FARP1: variants seen among roughly 807,000 people sequenced by gnomAD.
FARP1 encodes FERM, ARHGEF and pleckstrin domain-containing protein 1.
FARP1 carries 52 observed loss-of-function variants against 128.8 expected under a neutral mutation model. The ratio of observed to expected loss-of-function variants is 0.40; its 90% CI spans 0.32 to 0.51. The LOEUF (loss-of-function observed/expected upper bound fraction) is 0.51. FARP1 is among the 20% of genes least tolerant of loss of function. The pLI is 0.45. For synonymous variants in FARP1, 580 were observed against 551.8 expected (o/e 1.05, Z -0.72); for missense variants, 1,333 against 1,367.9 (o/e 0.97, Z 0.40).
intron 2 of FARP1, among the ~76,000 whole-genome samples, chr13:98,257,880 G>A (rs747501771): frequency 2.6e-5 from 4 of 152,190 alleles, no homozygotes; most frequent in African/African-American, 7.2e-5. Context: ...TGAAAACAAC[G>A]CATAGATGTG....
chr13:98,224,179 GAATT>G (rs1038479491), intron 2 of FARP1, among the ~76,000 whole-genome samples: 4 of 152,130 alleles, frequency 2.6e-5, no homozygotes, highest in African/African-American at 9.7e-5. Flanking sequence ...TTTGAAAGCT[GAATT>G]ACTTTCCCAG....
intron 2 of FARP1, among the ~76,000 whole-genome samples, chr13:98,303,011 C>T (rs564799102): frequency 6.6e-6 from 1 of 152,218 alleles, no homozygotes; most frequent in South Asian, 2.1e-4. Context: ...TGCGGGCCCA[C>T]TCTGTATGTA....
intron 2 of FARP1, among the ~76,000 whole-genome samples, chr13:98,338,326 C>T (rs895106843): frequency 6.6e-6 from 1 of 152,156 alleles, no homozygotes; most frequent in African/African-American, 2.4e-5. Context: ...TTCCCCTCCC[C>T]AAAGCCCCTG....
At chr13:98,162,543 C>A (rs141776211) in intron 1 of FARP1, among the ~76,000 whole-genome samples, 4 of 152,304 alleles carry the variant, frequency 2.6e-5, no homozygotes, top group Admixed American at 2.6e-4. Context: ...CAAACCTGGG[C>A]TGACCTCACC....
intron 2 of FARP1, among the ~76,000 whole-genome samples, chr13:98,301,945 C>T (rs188555564): frequency 6.9e-6 from 1 of 145,510 alleles, no homozygotes; most frequent in African/African-American, 2.5e-5. Context: ...TCCTGTCTGT[C>T]GACTTTAAAA....
intron 2 of FARP1, among the ~76,000 whole-genome samples, chr13:98,297,281 C>G (rs1885737949): frequency 6.6e-6 from 1 of 152,172 alleles, no homozygotes; most frequent in South Asian, 2.1e-4. Context: ...AAAACCTTGT[C>G]CAAATAACGG....
rs767482817 is a variant in FARP1 at position 98,385,821 on chromosome 13, G to A, written c.759+7G>A. The stretch of plus-strand genomic sequence containing the variant: ...GGGAATTCTAGTGTTTCAGGTGAGA[G>A]CCTTGAGAACACGGCCTGGTTCCCT... On this transcript the variant is annotated splice_region_variant and intron_variant, in intron 8 of 26. Transcript: ENST00000319562. The A allele has an allele frequency of 1.7e-5, 27 of 1,613,706 alleles. No individual in the cohort carries two copies. Among genetic ancestry groups the A allele is most frequent in the Non-Finnish European group, 2.0e-5 (24 of 1,179,922 alleles).
intron 13 of FARP1, among the ~76,000 whole-genome samples, chr13:98,408,983 G>A (rs1402308527): frequency 6.6e-6 from 1 of 152,194 alleles, no homozygotes; most frequent in Non-Finnish European, 1.5e-5. Context: ...GTCTCATTGT[G>A]ACATAGACAC....
At chr13:98,280,741 T>A (rs1382662146) in intron 2 of FARP1, among the ~76,000 whole-genome samples, 1 of 152,230 alleles carries the variant, frequency 6.6e-6, no homozygotes, top group Non-Finnish European at 1.5e-5. Flanking sequence ...TCTTTACTGA[T>A]CGTTTACTCA....
chr13:98,439,274 G>A, intron 21 of FARP1, 78 bp downstream of exon 21: 1 of 955,658 alleles, frequency 1.0e-6, no homozygotes, highest in African/African-American at 1.6e-5. Context: ...CGGCGATGAG[G>A]AGGGAAGGAG....
At chr13:98,255,457 C>T (rs1461177579) in intron 2 of FARP1, among the ~76,000 whole-genome samples, 8 of 151,844 alleles carry the variant, frequency 5.3e-5, no homozygotes, top group Non-Finnish European at 1.0e-4. Context: ...GCCGAGATTG[C>T]GCCACTGCAC....
At position 98,325,208 on chromosome 13, in the gene FARP1, T is replaced by G. The variant is rs73559050; in HGVS notation, c.172-18554T>G. Among the ~76,000 whole-genome samples the G allele has an allele frequency of 5.0e-3, 757 of 152,346 alleles. 7 individuals carry two copies. Among genetic ancestry groups the G allele is most frequent in the African/African-American group, 0.017 (722 of 41,592 alleles). ...GAAGAAATTATTTTGTTTCTATGTT[T>G]CAACAGCCTATCTTTCCATGAGTAT... is the stretch of plus-strand genomic sequence containing the variant. On this transcript the variant is annotated intron_variant, in intron 2 of 26. Transcript: ENST00000319562.
chr13:98,312,771 C>T (rs1054209147), intron 2 of FARP1, among the ~76,000 whole-genome samples: 12 of 152,082 alleles, frequency 7.9e-5, no homozygotes, highest in Non-Finnish European at 1.2e-4. Flanking sequence ...ACAACAGAGC[C>T]GCGGCGTTTT....
At chr13:98,350,563 CAT>C (rs376566985) in intron 3 of FARP1, among the ~76,000 whole-genome samples, 17 of 152,236 alleles carry the variant, frequency 1.1e-4, no homozygotes, top group Admixed American at 3.9e-4. Context: ...GGTTTTGACA[CAT>C]GTTTCTGGAC....
Position 98,409,490 on chromosome 13 carries a change from C to G in FARP1, c.1567C>G (p.Pro523Ala). The change falls in exon 14 of 27, where the codon CCC becomes GCC. Residue 523 changes from proline (P) to alanine (A), a missense_variant. Around this residue, in one of 2 missense-constraint regions of FARP1, gnomAD observed 1,009 missense variants for 969.8 expected, o/e 1.04. Transcript: ENST00000319562. Reference protein sequence around the residue: ...ISPLLNDQACPRTDDEDEGRR... With the variant: ...ISPLLNDQACARTDDEDEGRR... ...CCCGCTGCTGAATGACCAGGCCTGC[C>G]CCCGGACGGACGATGAGGATGAGGG... 1 of 1,613,422 alleles carries G rather than the reference C, an allele frequency of 6.2e-7. No homozygotes were observed.
At chr13:98,444,286 T>C (rs1892683410) in intron 24 of FARP1, among the ~76,000 whole-genome samples, 2 of 152,138 alleles carry the variant, frequency 1.3e-5, no homozygotes, top group African/African-American at 4.8e-5. Context: ...CCTGTGTCCA[T>C]GTGAGGTCAC....
At chr13:98,150,722 T>G (rs1434693399) in intron 1 of FARP1, among the ~76,000 whole-genome samples, 3 of 152,172 alleles carry the variant, frequency 2.0e-5, no homozygotes, top group Non-Finnish European at 4.4e-5. Context: ...ATGGAACACT[T>G]TTGTTCTTAC....
intron 2 of FARP1, among the ~76,000 whole-genome samples, chr13:98,312,772 G>A (rs1413042357): frequency 6.6e-6 from 1 of 152,082 alleles, no homozygotes; most frequent in Non-Finnish European, 1.5e-5. Flanking sequence ...CAACAGAGCC[G>A]CGGCGTTTTC....
rs781588904 is a variant in FARP1 at position 98,431,174 on chromosome 13, C to T, written c.2037C>T (p.Asn679=). ...ELQKVCYLPL[N]TFLLRPLHRL... ...AGAAGGTGTGTTACCTACCGCTCAACACCTTCCTCCTGCGGCCACTGCACC... is the reference window on the plus strand; with the variant it reads ...AGAAGGTGTGTTACCTACCGCTCAATACCTTCCTCCTGCGGCCACTGCACC... Residue 679 remains asparagine, a synonymous_variant, in exon 18 of 27, where the codon AAC becomes AAT. Coordinates refer to ENST00000319562, the MANE Select transcript of FARP1 (RefSeq NM_005766.4). The T allele has an allele frequency of 4.3e-6, 7 of 1,613,924 alleles. No homozygotes were observed. The highest frequency in any genetic ancestry group is 5.9e-6 in the Non-Finnish European group (7 of 1,179,920).
Sources: allele counts gnomAD v4.1 joint callset (sites outside exome capture counted in the v4.1 genomes callset), GRCh38; gene constraint gnomAD v4.1.1; regional missense constraint gnomAD v4.1.1; transcripts MANE v1.5; gene names NCBI Gene and HGNC (gene_info 2026-07-23, HGNC 2026-07-21).